RIMS3: variants seen among roughly 807,000 people sequenced by gnomAD.
RIMS3 encodes the protein regulating synaptic membrane exocytosis 3.
In RIMS3, 15 loss-of-function variants were observed where a neutral mutation model predicts 29.2. The ratio of observed to expected loss-of-function variants is 0.51; its 90% confidence interval spans 0.34 to 0.79. The LOEUF (loss-of-function observed/expected upper bound fraction) is 0.79. Ranked by LOEUF, RIMS3 falls within the 30% of genes least tolerant of loss-of-function variation. RIMS3 has a pLI of 0.01. For synonymous variants in RIMS3, 161 were observed against 170.1 expected (o/e 0.95, Z 0.41); for missense variants, 342 against 421.4 (o/e 0.81, Z 1.65).
At chr1:40,645,894 G>C (rs931422429) in intron 2 of RIMS3, among the ~76,000 whole-genome samples, 1 of 152,210 alleles carries the variant, frequency 6.6e-6, no homozygotes, top group African/African-American at 2.4e-5. Flanking sequence ...AGGGGGGCTG[G>C]AGAACTGAAA....
intron 6 of RIMS3, 127 bp from the exon 7 acceptor site, chr1:40,629,076 C>A: frequency 7.9e-7 from 1 of 1,270,092 alleles, no homozygotes; most frequent in Non-Finnish European, 1.1e-6. Context: ...CAGTGGACAG[C>A]AGGCAGAAGA....
chr1:40,644,349 C>A (rs1280513596), intron 2 of RIMS3, among the ~76,000 whole-genome samples: 1 of 152,146 alleles, frequency 6.6e-6, no homozygotes, highest in Non-Finnish European at 1.5e-5. Flanking sequence ...TGTCAAATTC[C>A]TTTTTAAAAT....
At chr1:40,689,279 C>T in the RIMS3 span, among the ~76,000 whole-genome samples, 1 of 152,004 alleles carries the variant, frequency 6.6e-6, no homozygotes, top group African/African-American at 2.4e-5. Context: ...TGGTTCATGC[C>T]ATTTCTTTCT....
chr1:40,659,326 C>A (rs1338982807), intron 1 of RIMS3, among the ~76,000 whole-genome samples: 1 of 152,064 alleles, frequency 6.6e-6, no homozygotes, highest in Non-Finnish European at 1.5e-5. Flanking sequence ...GCTTTGAATA[C>A]CATGATAAGA....
In RIMS3 at chr1:40,654,379, C is replaced by A. The variant is rs939017755; in HGVS notation, c.-206-6537G>T. Among the ~76,000 whole-genome samples the A allele has an allele frequency of 6.6e-6, 1 of 152,202 alleles. No individual in the cohort carries two copies. Among genetic ancestry groups the A allele is most frequent in the East Asian group, 1.9e-4 (1 of 5,198 alleles). ...CGCATTCCCTGCAACCTCTCCACCC[C>A]CGGACCCTTTCAGGGCACAAAGACC... On this transcript the variant is annotated intron_variant, in intron 1 of 7. Coordinates refer to ENST00000372684, the MANE Select transcript of RIMS3 (RefSeq NM_014747.3). This position sits in a 1 kb window ranked among gnomAD's most constrained non-coding sequence, Gnocchi z 5.3.
chr1:40,657,072 A>G (rs1335512590), intron 1 of RIMS3, among the ~76,000 whole-genome samples: 5 of 152,158 alleles, frequency 3.3e-5, no homozygotes, highest in Admixed American at 2.6e-4. Context: ...CTATTCACAA[A>G]TTGTCATAAC....
At chr1:40,673,928 A>T in the RIMS3 span, among the ~76,000 whole-genome samples, 6 of 149,512 alleles carry the variant, frequency 4.0e-5, no homozygotes, top group Non-Finnish European at 7.5e-5. Context: ...ATGAGAAAAC[A>T]TATGTAAAGT....
chr1:40,672,603 G>C, the RIMS3 span, among the ~76,000 whole-genome samples: 2 of 152,224 alleles, frequency 1.3e-5, 1 homozygote, highest in South Asian at 4.1e-4. Flanking sequence ...TGGTCTGAAA[G>C]ACTTGGCAGA....
Position 40,636,177 on chromosome 1 carries a change from A to C in RIMS3, c.218-120T>G. 1 of 1,311,142 alleles carries C rather than the reference A, an allele frequency of 7.6e-7. No individual in the cohort carries two copies. Among genetic ancestry groups the C allele is most frequent in the East Asian group, 2.4e-5 (1 of 41,994 alleles). 81.2% of individuals were successfully genotyped at this position (1,311,142 alleles called of 1,614,324 possible). On this transcript the variant is annotated intron_variant, in intron 3 of 7. Transcript: ENST00000372684. This position sits in a 1 kb window ranked among gnomAD's most constrained non-coding sequence, Gnocchi z 4.2. ...TGGGGGGTTGATGGGGAGGATGAGC[A>C]GGGCTCTGACTGGAGGCAGGGGCAT... is the stretch of plus-strand genomic sequence containing the variant.
Position 40,636,517 on chromosome 1 carries a change from C to T in RIMS3, c.218-460G>A, listed in dbSNP as rs1229276484. On this transcript the variant is annotated intron_variant, in intron 3 of 7. Coordinates refer to ENST00000372684, the MANE Select transcript of RIMS3 (RefSeq NM_014747.3). This position sits in a 1 kb window ranked among gnomAD's most constrained non-coding sequence, Gnocchi z 4.2. Reference sequence around the variant, plus strand: ...AGGCACCCTCAGACCCTATCACACCCAGACCTCACAACTCACCTCTGATAC... The same window carrying T: ...AGGCACCCTCAGACCCTATCACACCTAGACCTCACAACTCACCTCTGATAC... Among the ~76,000 whole-genome samples the T allele has an allele frequency of 6.6e-6, 1 of 152,152 alleles. No individual in the cohort carries two copies. Among genetic ancestry groups the T allele is most frequent in the African/African-American group, 2.4e-5 (1 of 41,444 alleles).
chr1:40,659,119 T>G (rs1303091975), intron 1 of RIMS3, among the ~76,000 whole-genome samples: 1 of 151,984 alleles, frequency 6.6e-6, no homozygotes, highest in African/African-American at 2.4e-5. Flanking sequence ...ACAGCGAAGG[T>G]AGCAGCTGAG....
At chr1:40,691,703 T>TGCAAACGGC in the RIMS3 span, 1 of 453,434 alleles carries the variant, frequency 2.2e-6, no homozygotes, top group Non-Finnish European at 4.4e-6. Context: ...GGGGAAACGG[T>TGCAAACGGC]GCAAACGGCG....
rs370752976 is a variant in RIMS3 at position 40,626,146 on chromosome 1, G to A, written c.*371C>T. 9 of 340,876 alleles carry A rather than the reference G, an allele frequency of 2.6e-5. No individual in the cohort carries two copies. The highest frequency in any genetic ancestry group is 9.5e-4 in the Middle Eastern group (1 of 1,054). 21.1% of individuals were successfully genotyped at this position (340,876 alleles called of 1,614,324 possible). On this transcript the variant is annotated 3_prime_UTR_variant, in exon 8 of 8. Coordinates refer to ENST00000372684, the MANE Select transcript of RIMS3 (RefSeq NM_014747.3). ...CCCCAGGCCAGGACCAGGCAGCACC[G>A]ACCAGTGGCCGCATGCCCCACCTCC...
the RIMS3 span, among the ~76,000 whole-genome samples, chr1:40,688,311 G>A: frequency 1.3e-5 from 2 of 152,170 alleles, no homozygotes; most frequent in Non-Finnish European, 2.9e-5. Context: ...ATAGAGAGGT[G>A]TGGCTTAAGG....
Position 40,633,146 on chromosome 1 carries a change from C to T in RIMS3, c.395G>A (p.Ser132Asn). ...CCCATCCAGGAAATCGCTGAACTGG[C>T]TTTCAGCCCCTAGCCGGGTAGTGGG... The part of the protein sequence containing the change: ...IFPTTRLGAE[S>N]QFSDFLDGLG... The change falls in exon 5 of 8, where the codon AGC (serine) becomes AAC (asparagine). Residue 132 changes from serine to asparagine, a missense_variant. Physicochemically the swap from Ser to Asn is conservative, Grantham distance 46. Coordinates refer to ENST00000372684, the MANE Select transcript of RIMS3 (RefSeq NM_014747.3). The T allele has an allele frequency of 1.2e-6, 2 of 1,614,154 alleles. No individual in the cohort carries two copies. The highest frequency in any genetic ancestry group is 1.7e-6 in the Non-Finnish European group (2 of 1,179,974).
At position 40,653,931 on chromosome 1, in the gene RIMS3, A is replaced by G. The variant is rs542502496; in HGVS notation, c.-206-6089T>C. On this transcript the variant is annotated intron_variant, in intron 1 of 7. Transcript: ENST00000372684. ...GATACTGGATCCCAATAAGATACACATTTGGTTCCTCTGCTCCCCCTTCCT... is the reference window on the plus strand; with the variant it reads ...GATACTGGATCCCAATAAGATACACGTTTGGTTCCTCTGCTCCCCCTTCCT... Among the ~76,000 whole-genome samples, 153 of 151,114 alleles carry G rather than the reference A, an allele frequency of 1.0e-3. 2 individuals are homozygous for G. Among genetic ancestry groups the G allele is most frequent in the Non-Finnish European group, 1.9e-4 (13 of 67,272 alleles).
Position 40,647,860 on chromosome 1 carries a change from A to T in RIMS3, c.-206-18T>A, listed in dbSNP as rs1223094823. On this transcript the variant is annotated intron_variant, in intron 1 of 7. Coordinates refer to ENST00000372684, the MANE Select transcript of RIMS3 (RefSeq NM_014747.3). The stretch of plus-strand genomic sequence containing the variant: ...AAAAGGGTCTGGAAGGGAAGAGAGG[A>T]GCTTAGAGGAAGGGCTAGGTAAAGC... 1.3e-5 allele frequency: 2 copies of T among 152,240 alleles called. No homozygotes were observed. Among genetic ancestry groups the T allele is most frequent in the African/African-American group, 4.8e-5 (2 of 41,462 alleles). 9.4% of individuals were successfully genotyped at this position (152,240 alleles called of 1,614,324 possible).
chr1:40,658,265 C>G (rs1642299245), intron 1 of RIMS3, among the ~76,000 whole-genome samples: 1 of 152,172 alleles, frequency 6.6e-6, no homozygotes, highest in South Asian at 2.1e-4. Context: ...TTTCTTCTCC[C>G]TCTCTCTCCT....
In RIMS3 at chr1:40,636,317, C is replaced by G. The variant is rs2148347473; in HGVS notation, c.218-260G>C. On this transcript the variant is annotated intron_variant, in intron 3 of 7. Coordinates refer to ENST00000372684, the MANE Select transcript of RIMS3 (RefSeq NM_014747.3). The surrounding 1 kb of genome is among the most constrained non-coding windows in gnomAD (Gnocchi z 4.2). ...GCAGGCAGAGTCATGATGGCGCCAC[C>G]ACGCAGAGCCGCAGATCCGCAGCTG... Among the ~76,000 whole-genome samples the G allele has an allele frequency of 6.6e-6, 1 of 152,142 alleles. No individual in the cohort carries two copies. Among genetic ancestry groups the G allele is most frequent in the Middle Eastern group, 3.4e-3 (1 of 294 alleles).
Sources: allele counts gnomAD v4.1 joint callset (sites outside exome capture counted in the v4.1 genomes callset), GRCh38; gene constraint gnomAD v4.1.1; non-coding constraint Gnocchi (gnomAD v3.1); transcripts MANE v1.5; gene names NCBI Gene and HGNC (gene_info 2026-07-23, HGNC 2026-07-21).